The following TP53INP1 variants were observed in gnomAD, a reference collection of about 807,000 sequenced individuals.
The protein encoded by TP53INP1 is tumor protein p53 inducible nuclear protein 1.
Under a neutral mutation model 21.0 loss-of-function variants are expected in TP53INP1, and 12 were observed. The observed-to-expected ratio is 0.57, with a 90% confidence interval of 0.37 to 0.93. The LOEUF (loss-of-function observed/expected upper bound fraction) is 0.93. Among genes scored for constraint, TP53INP1 ranks in the 40% least tolerant of loss-of-function variants. TP53INP1 has a pLI of 0.01. For synonymous variants in TP53INP1, 91 were observed against 94.8 expected, an observed-to-expected ratio of 0.96 and a Z score of 0.23; for missense variants, 274 against 294.7, an observed-to-expected ratio of 0.93 and a Z score of 0.51.
intron 3 of TP53INP1, among the ~76,000 whole-genome samples, 167 bp from the exon 4 acceptor site, chr8:94,930,895 T>C (rs998504758): frequency 7.9e-5 from 12 of 152,228 alleles, no homozygotes; most frequent in African/African-American, 2.2e-4. Flanking sequence ...CCCCACTGAC[T>C]GATAGTGGTG....
chr8:94,933,330 T>A (rs1820613867), intron 3 of TP53INP1, among the ~76,000 whole-genome samples: 1 of 151,896 alleles, frequency 6.6e-6, no homozygotes, highest in South Asian at 2.1e-4. Flanking sequence ...AAACAAGATA[T>A]AAAAACAACA....
intron 3 of TP53INP1, among the ~76,000 whole-genome samples, chr8:94,936,235 G>A (rs1288292708): frequency 6.6e-6 from 1 of 152,192 alleles, no homozygotes; most frequent in African/African-American, 2.4e-5. Context: ...TGATGTCAGA[G>A]AAACACTAAT....
At chr8:94,938,155 G>A (rs1445843547) in intron 3 of TP53INP1, among the ~76,000 whole-genome samples, 2 of 152,196 alleles carry the variant, frequency 1.3e-5, no homozygotes, top group African/African-American at 4.8e-5. Context: ...GAAGCTACGT[G>A]TTTGCTAAAA....
In TP53INP1 at chr8:94,936,040, G is replaced by A. The variant is rs1820943004; in HGVS notation, c.473+3820C>T. Among the ~76,000 whole-genome samples the A allele has an allele frequency of 1.3e-5, 2 of 152,190 alleles. 1 individual carries two copies. The highest frequency in any genetic ancestry group is 4.1e-4 in the South Asian group (2 of 4,820). Reference sequence around the variant, plus strand: ...ATCTGTCTGATAGTCTTATGTGGAAGGGAAACTGGCACTTATGGCAAAAGA... The same window carrying A: ...ATCTGTCTGATAGTCTTATGTGGAAAGGAAACTGGCACTTATGGCAAAAGA... On this transcript the variant is annotated intron_variant, in intron 3 of 3. Coordinates refer to ENST00000342697, the MANE Select transcript of TP53INP1 (RefSeq NM_033285.4).
intron 3 of TP53INP1, 42 bp downstream of exon 3, chr8:94,939,818 C>A: frequency 6.3e-7 from 1 of 1,577,080 alleles, no homozygotes; most frequent in Non-Finnish European, 8.6e-7. Flanking sequence ...AAAATGCATG[C>A]TCAGTGGACT....
In TP53INP1 at chr8:94,930,623, C is replaced by T. The variant is rs771481093; in HGVS notation, c.579G>A (p.Gln193=). 6.8e-6 allele frequency: 11 copies of T among 1,614,186 alleles called. No individual in the cohort carries two copies. The highest frequency in any genetic ancestry group is 9.3e-6 in the Non-Finnish European group (11 of 1,180,036). The change falls in exon 4 of 4, where the codon CAG becomes CAA. Residue 193 remains glutamine, a synonymous_variant. Transcript: ENST00000342697. ...GTCTTTCACTGTGTTCTTTTATCCACTGGGAAGGGCGAAAGCTCTTGGGTT... is the reference window on the plus strand; with the variant it reads ...GTCTTTCACTGTGTTCTTTTATCCATTGGGAAGGGCGAAAGCTCTTGGGTT... The part of the protein sequence containing the change: ...LEQPKSFRPS[Q]WIKEHSERQP...
In TP53INP1 at chr8:94,933,844, G is replaced by GGT. The variant is rs1426313180; in HGVS notation, c.474-3117_474-3116insAC. Among the ~76,000 whole-genome samples, 20 of 148,106 alleles carry GGT rather than the reference G, an allele frequency of 1.4e-4. 3 individuals are homozygous for GGT. Among genetic ancestry groups the GGT allele is most frequent in the South Asian group, 4.4e-4 (2 of 4,596 alleles). On this transcript the variant is annotated intron_variant, in intron 3 of 3. Transcript: ENST00000342697. ...AATCCCAGCACTTTGTGGGGGGGGG[G>GGT]GGAGGATCACGAGGTCAGGAGTTCA... is the stretch of plus-strand genomic sequence containing the variant.
rs1822344050 is a variant in TP53INP1 at position 94,949,348 on chromosome 8, A to G, written c.-345T>C. 6.6e-6 allele frequency: 1 copy of G among 150,782 alleles called. No homozygotes were observed. The highest frequency in any genetic ancestry group is 2.0e-4 in the East Asian group (1 of 5,096). 9.3% of individuals were successfully genotyped at this position (150,782 alleles called of 1,614,324 possible). On this transcript the variant is annotated 5_prime_UTR_variant, in exon 1 of 4. Transcript: ENST00000342697. ...CGCTGCGCCCAGGCCGGCCAGTCCA[A>G]GTCCTTTTGTTGTTGTGCAGCGCTC...
Position 94,931,607 on chromosome 8 carries a change from C to CATATAT in TP53INP1, c.474-880_474-879insATATAT, listed in dbSNP as rs1393122525. 7.3e-3 allele frequency among the ~76,000 whole-genome samples: 1,091 copies of CATATAT among 149,712 alleles called. 7 individuals are homozygous for CATATAT. Among genetic ancestry groups the CATATAT allele is most frequent in the African/African-American group, 0.022 (890 of 39,646 alleles). On this transcript the variant is annotated intron_variant, in intron 3 of 3. Coordinates refer to ENST00000342697, the MANE Select transcript of TP53INP1 (RefSeq NM_033285.4). Reference sequence around the variant, plus strand: ...TTTATTACACACACACACACACACACACATAAAATTTTTTTAAAGTAGAAT... The same window carrying CATATAT: ...TTTATTACACACACACACACACACACATATATACATAAAATTTTTTTAAAGTAGAAT...
chr8:94,934,714 T>TA (rs1376860217), intron 3 of TP53INP1, among the ~76,000 whole-genome samples: 2 of 151,962 alleles, frequency 1.3e-5, no homozygotes, highest in African/African-American at 4.8e-5. Context: ...TCCTCAGAGG[T>TA]AAAATCATAA....
At chr8:94,944,752 T>C (rs1341813120) in intron 1 of TP53INP1, among the ~76,000 whole-genome samples, 1 of 152,222 alleles carries the variant, frequency 6.6e-6, no homozygotes, top group African/African-American at 2.4e-5. Context: ...GCAGCAGTTC[T>C]GGCTGTGGCT....
intron 2 of TP53INP1, among the ~76,000 whole-genome samples, 159 bp from the exon 3 acceptor site, chr8:94,940,379 A>G (rs919651494): frequency 4.6e-5 from 7 of 150,748 alleles, no homozygotes; most frequent in Non-Finnish European, 1.5e-5. Flanking sequence ...ATCTTCTTTT[A>G]TTTAGTTCAG....
intron 3 of TP53INP1, among the ~76,000 whole-genome samples, chr8:94,937,438 C>G (rs113910919): frequency 0.14 from 19,220 of 133,792 alleles, 1,601 homozygotes; most frequent in Middle Eastern, 0.2. Flanking sequence ...GAGACTCCAT[C>G]TCAAAAAAAA....
chr8:94,945,297 T>G (rs988391417), intron 1 of TP53INP1, among the ~76,000 whole-genome samples: 1 of 152,238 alleles, frequency 6.6e-6, no homozygotes, highest in African/African-American at 2.4e-5. Context: ...TAGAGTGTAT[T>G]TCAAAGACTT....
intron 1 of TP53INP1, among the ~76,000 whole-genome samples, chr8:94,946,696 C>CAAAAAAACA (rs1822029366): frequency 2.9e-5 from 1 of 34,688 alleles, no homozygotes; most frequent in African/African-American, 9.5e-5. Context: ...GACCCTGTCT[C>CAAAAAAACA]AAAAAAAAAA....
rs1820291337 is a variant in TP53INP1, at chr8:94,930,540, C to T, written c.662G>A (p.Arg221Gln). 6.2e-7 allele frequency: 1 copy of T among 1,614,034 alleles called. No individual in the cohort carries two copies. Among genetic ancestry groups the T allele is most frequent in the Admixed American group, 1.7e-5 (1 of 59,982 alleles). ...AACCCAGCCATTGTGCTTGACTTGC[C>T]GAGGGTGGCAATCCCTGGTAAGATT... ...RQNLTRDCHP[R>Q]QVKHNGWVVH... The change falls in exon 4 of 4, where the codon CGG (arginine) becomes CAG (glutamine). Residue 221 changes from arginine (R) to glutamine (Q), a missense_variant. Arg to Gln is a conservative substitution (Grantham distance 43). Transcript: ENST00000342697.
intron 1 of TP53INP1, among the ~76,000 whole-genome samples, chr8:94,948,133 C>G (rs1822177220): frequency 6.6e-6 from 1 of 152,150 alleles, no homozygotes; most frequent in African/African-American, 2.4e-5. Flanking sequence ...CTTCCTTAAT[C>G]CACTCTGTAT....
At chr8:94,932,133 T>G in intron 3 of TP53INP1, 1 of 1,602,430 alleles carries the variant, frequency 6.2e-7, no homozygotes, top group Non-Finnish European at 8.5e-7. Flanking sequence ...GGTGAACTAT[T>G]AAATCACTAG....
intron 3 of TP53INP1, among the ~76,000 whole-genome samples, chr8:94,936,657 G>A (rs530190766): frequency 6.6e-6 from 1 of 152,276 alleles, no homozygotes; most frequent in Non-Finnish European, 1.5e-5. Context: ...GACTTTTAAA[G>A]GGATGGCTTC....
Sources: allele counts gnomAD v4.1 joint callset (sites outside exome capture counted in the v4.1 genomes callset), GRCh38; gene constraint gnomAD v4.1.1; transcripts MANE v1.5; gene names NCBI Gene and HGNC (gene_info 2026-07-23, HGNC 2026-07-21).